The following PPP6R2 variants were observed in gnomAD, a reference collection of about 807,000 sequenced individuals.
PPP6R2 encodes the protein serine/threonine-protein phosphatase 6 regulatory subunit 2.
PPP6R2 carries 62 observed loss-of-function variants against 100.2 expected under a neutral mutation model. That is an observed-to-expected ratio of 0.62 (90% confidence interval 0.50 to 0.76). PPP6R2 has a LOEUF of 0.76. PPP6R2 is among the 30% of genes least tolerant of loss of function. PPP6R2 has a pLI of 0.00. For synonymous variants in PPP6R2, 525 were observed against 514.7 expected, an observed-to-expected ratio of 1.02 and a Z score of -0.27; for missense variants, 1,142 against 1,276.3, an observed-to-expected ratio of 0.89 and a Z score of 1.60.
chr22:50,338,553 G>A (rs1444465461), upstream of PPP6R2, among the ~76,000 whole-genome samples: 14 of 121,894 alleles, frequency 1.1e-4, no homozygotes, highest in Admixed American at 4.8e-4. Context: ...TGGTGTGTGT[G>A]GTATGTAGTG....
chr22:50,395,651 C>T (rs1189881420), intron 3 of PPP6R2, among the ~76,000 whole-genome samples: 1 of 152,166 alleles, frequency 6.6e-6, no homozygotes, highest in Non-Finnish European at 1.5e-5. Flanking sequence ...GTCTCTGCCT[C>T]CTGGTCCCAA....
intron 3 of PPP6R2, among the ~76,000 whole-genome samples, chr22:50,402,426 A>C (rs1202013471): frequency 6.6e-6 from 1 of 150,390 alleles, no homozygotes; most frequent in African/African-American, 2.4e-5. Context: ...GCCATAAGGA[A>C]GGGACATGTC....
At chr22:50,335,290 C>T in the PPP6R2 span, among the ~76,000 whole-genome samples, 1 of 149,384 alleles carries the variant, frequency 6.7e-6, no homozygotes. Flanking sequence ...GTTTTGATCT[C>T]CTCACCTGGT....
intron 10 of PPP6R2, among the ~76,000 whole-genome samples, chr22:50,429,966 C>G (rs1012876022): frequency 6.6e-6 from 1 of 152,232 alleles, no homozygotes; most frequent in East Asian, 1.9e-4. Flanking sequence ...CTGTGTGGAA[C>G]GAGGAGCCCA....
intron 3 of PPP6R2, among the ~76,000 whole-genome samples, chr22:50,399,296 C>T (rs1306053803): frequency 6.6e-6 from 1 of 152,220 alleles, no homozygotes; most frequent in Non-Finnish European, 1.5e-5. Flanking sequence ...ATACTTTAGG[C>T]TTTGCAGGTT....
At chr22:50,407,652 TC>T (rs2147190832) in intron 4 of PPP6R2, 1 of 152,484 alleles carries the variant, frequency 6.6e-6, no homozygotes, top group East Asian at 1.9e-4. Context: ...AACGGGGTCT[TC>T]CTGGAGTCCA....
the PPP6R2 span, among the ~76,000 whole-genome samples, chr22:50,333,044 C>A: frequency 6.6e-6 from 1 of 152,102 alleles, no homozygotes; most frequent in Admixed American, 6.6e-5. Context: ...GAGGCTGAAG[C>A]AGGAGGATCA....
At chr22:50,422,840 C>T (rs1207983186) in intron 9 of PPP6R2, among the ~76,000 whole-genome samples, 3 of 152,200 alleles carry the variant, frequency 2.0e-5, no homozygotes, top group Admixed American at 2.0e-4. Flanking sequence ...TGCATAGCAC[C>T]CTCCTGACCT....
intron 1 of PPP6R2, among the ~76,000 whole-genome samples, chr22:50,363,893 C>CT (rs1247300028): frequency 2.6e-3 from 364 of 139,972 alleles, no homozygotes; most frequent in East Asian, 3.7e-3. Flanking sequence ...GATTTTCAAA[C>CT]TTTTTTTTTT....
At chr22:50,388,409 T>G (rs12159606) in intron 2 of PPP6R2, among the ~76,000 whole-genome samples, 1 of 142,012 alleles carries the variant, frequency 7.0e-6, no homozygotes, top group South Asian at 2.2e-4. Flanking sequence ...AAAAAAAAAA[T>G]AAGCCTAAAT....
chr22:50,388,768 A>C (rs777336715), intron 2 of PPP6R2, among the ~76,000 whole-genome samples: 5 of 151,842 alleles, frequency 3.3e-5, no homozygotes, highest in Admixed American at 6.6e-5. Flanking sequence ...GCTACTCAGG[A>C]GGCTGAGGCA....
intron 2 of PPP6R2, among the ~76,000 whole-genome samples, chr22:50,381,346 ACACGGGCCCCACC>A (rs2052946587): frequency 1.3e-5 from 1 of 77,124 alleles, no homozygotes; most frequent in African/African-American, 7.3e-5. Flanking sequence ...CCTCAGCATC[ACACGGGCCCCACC>A]TCAGCACCAC....
chr22:50,335,800 C>G, the PPP6R2 span, among the ~76,000 whole-genome samples: 1 of 142,480 alleles, frequency 7.0e-6, no homozygotes, highest in South Asian at 2.3e-4. Flanking sequence ...CTCAGCCTCC[C>G]CAGTATCTGG....
intron 10 of PPP6R2, among the ~76,000 whole-genome samples, chr22:50,428,019 C>T (rs1805417645): frequency 2.6e-5 from 4 of 151,240 alleles, no homozygotes; most frequent in African/African-American, 9.7e-5. Context: ...CACGCCCAGC[C>T]AATTTTTATA....
chr22:50,394,278 G>A lies in PPP6R2; in HGVS notation c.227+143G>A, dbSNP rs1282294668. 12 of 1,289,270 alleles carry A rather than the reference G, an allele frequency of 9.3e-6. 1 individual carries two copies. The Admixed American group carries it at 2.5e-4, about 27-fold the overall frequency. 79.9% of individuals were successfully genotyped at this position (1,289,270 alleles called of 1,614,324 possible). A position where few individuals can be genotyped will look rare whatever the true frequency, so the allele number is the denominator to read the frequency against. On this transcript the variant is annotated intron_variant, in intron 3 of 23. Coordinates refer to ENST00000612753, the MANE Select transcript of PPP6R2 (RefSeq NM_001242898.2). ...CCACCCCATGTGAGAAGTGAGGAGGGCACTCCCATGGGGTCTGAGGTTGAA... is the reference window on the plus strand; with the variant it reads ...CCACCCCATGTGAGAAGTGAGGAGGACACTCCCATGGGGTCTGAGGTTGAA...
intron 2 of PPP6R2, among the ~76,000 whole-genome samples, chr22:50,392,575 G>C (rs1228631724): frequency 1.3e-5 from 2 of 152,220 alleles, no homozygotes; most frequent in Admixed American, 1.3e-4. Context: ...AGCCTGTGCA[G>C]GAGGGTACAA....
In PPP6R2 at chr22:50,414,565, TGAA is replaced by T. The variant is rs750715047; in HGVS notation, c.436_438del (p.Lys146del). ...GTGTGATTTCAGGTGATTACGTTTT[TGAA>T]GAAGAAGGACAAGTTCATCAGCCTG... On this transcript the variant is annotated inframe_deletion, in exon 5 of 24. Coordinates refer to ENST00000612753, the MANE Select transcript of PPP6R2 (RefSeq NM_001242898.2). 39 of 1,613,986 alleles carry T rather than the reference TGAA, an allele frequency of 2.4e-5. No individual in the cohort carries two copies. The highest frequency in any genetic ancestry group is 3.3e-5 in the South Asian group (3 of 91,076).
At chr22:50,353,094 A>G (rs2045681404) in intron 1 of PPP6R2, among the ~76,000 whole-genome samples, 1 of 152,182 alleles carries the variant, frequency 6.6e-6, no homozygotes, top group Admixed American at 6.5e-5. Context: ...CGTGTCAGCA[A>G]TAAAGCTGCT....
intron 1 of PPP6R2, among the ~76,000 whole-genome samples, chr22:50,352,857 G>A (rs550759883): frequency 2.0e-5 from 3 of 152,070 alleles, no homozygotes; most frequent in African/African-American, 7.2e-5. Context: ...GCTTGAGCTC[G>A]GGAGTTTGAG....
Sources: allele counts gnomAD v4.1 joint callset (sites outside exome capture counted in the v4.1 genomes callset), GRCh38; gene constraint gnomAD v4.1.1; transcripts MANE v1.5; gene names NCBI Gene and HGNC (gene_info 2026-07-23, HGNC 2026-07-21).